MYO7B: variants seen among roughly 807,000 people sequenced by gnomAD.
MYO7B encodes the protein myosin VIIB.
In MYO7B, 212 loss-of-function variants were observed where a neutral mutation model predicts 259.7. The ratio of observed to expected loss-of-function variants is 0.82; its 90% CI spans 0.73 to 0.91. The LOEUF is 0.91. Among genes scored for constraint, MYO7B ranks in the 40% least tolerant of loss-of-function variants. MYO7B has a pLI of 0.00. For missense variants in MYO7B, 2,732 were observed against 2,813.5 expected, an observed-to-expected ratio of 0.97 and a Z score of 0.66; for synonymous variants, 1,197 against 1,166.4, an observed-to-expected ratio of 1.03 and a Z score of -0.54.
intron 25 of MYO7B, 51 bp downstream of exon 25, chr2:127,612,378 A>G (rs1680419254): frequency 2.0e-6 from 3 of 1,511,424 alleles, no homozygotes; most frequent in East Asian, 4.9e-5. Context: ...GGCCTGCTAC[A>G]GGGTTCCAGT....
At chr2:127,624,392 C>A in intron 30 of MYO7B, 72 bp downstream of exon 30, 1 of 1,414,296 alleles carries the variant, frequency 7.1e-7, no homozygotes, top group South Asian at 1.3e-5. Flanking sequence ...AGGCACCCAA[C>A]TGGCTTCTGA....
intron 2 of MYO7B, among the ~76,000 whole-genome samples, chr2:127,560,626 G>A (rs992475339): frequency 1.3e-5 from 2 of 152,186 alleles, no homozygotes; most frequent in Non-Finnish European, 2.9e-5. Flanking sequence ...GGAGTGCAGG[G>A]TGGAGAGCTC....
rs1679534604 is a variant in MYO7B at position 127,590,948 on chromosome 2, C to T, written c.1992+719C>T. On this transcript the variant is annotated intron_variant, in intron 16 of 47. Coordinates refer to ENST00000409816, the MANE Select transcript of MYO7B (RefSeq NM_001393586.1). The surrounding 1 kb of genome is among the most constrained non-coding windows in gnomAD (Gnocchi z 4.6). ...GTAGCTCACGCTTGTAATCCCAGCA[C>T]TTTGGGAGGCTGAGGCGGGAGGATT... Among the ~76,000 whole-genome samples the T allele has an allele frequency of 6.6e-6, 1 of 152,214 alleles. No individual in the cohort carries two copies. The highest frequency in any genetic ancestry group is 2.1e-4 in the South Asian group (1 of 4,836).
At chr2:127,578,495 A>G (rs188779375) in intron 9 of MYO7B, among the ~76,000 whole-genome samples, 3 of 152,238 alleles carry the variant, frequency 2.0e-5, no homozygotes, top group Admixed American at 1.3e-4. Flanking sequence ...ACAGGTGGAG[A>G]CCGGCCAATC....
At chr2:127,560,402 A>G (rs1343573366) in intron 2 of MYO7B, among the ~76,000 whole-genome samples, 1 of 152,018 alleles carries the variant, frequency 6.6e-6, no homozygotes, top group Non-Finnish European at 1.5e-5. Context: ...AACTGTGGGC[A>G]TGGGTAGGAC....
chr2:127,636,941 A>G lies in MYO7B; in HGVS notation c.6327+28A>G. The G allele has an allele frequency of 1.9e-6, 3 of 1,607,192 alleles. No individual in the cohort carries two copies. Among genetic ancestry groups the G allele is most frequent in the Non-Finnish European group, 2.5e-6 (3 of 1,179,756 alleles). ...GAGCTCAGGTTCTTTCTCCCATCCA[A>G]GATGCATAGGACAGAGCTGCTGGAG... On this transcript the variant is annotated intron_variant, in intron 47 of 47. Coordinates refer to ENST00000409816, the MANE Select transcript of MYO7B (RefSeq NM_001393586.1). This position sits in a 1 kb window ranked among gnomAD's most constrained non-coding sequence, Gnocchi z 4.5.
Position 127,611,298 on chromosome 2 carries a change from C to G in MYO7B, c.3193-952C>G, listed in dbSNP as rs999081815. 6.6e-6 allele frequency among the ~76,000 whole-genome samples: 1 copy of G among 152,222 alleles called. No homozygotes were observed. The highest frequency in any genetic ancestry group is 1.5e-5 in the Non-Finnish European group (1 of 68,044). On this transcript the variant is annotated intron_variant, in intron 24 of 47. Transcript: ENST00000409816. The surrounding 1 kb of genome is among the most constrained non-coding windows in gnomAD (Gnocchi z 5.4). ...TACCTGTGGCTGTGGGAGGGGCCCA[C>G]ACAGGGCAGGAATTTCAGGACGCAG...
intron 1 of MYO7B, among the ~76,000 whole-genome samples, chr2:127,541,093 T>G (rs942530418): frequency 2.0e-5 from 3 of 151,950 alleles, no homozygotes; most frequent in Non-Finnish European, 2.9e-5. Flanking sequence ...AGGCAGCATC[T>G]GCTGGGCTGT....
chr2:127,560,004 G>A (rs1410570165), intron 2 of MYO7B, among the ~76,000 whole-genome samples: 3 of 150,436 alleles, frequency 2.0e-5, no homozygotes, highest in Non-Finnish European at 2.9e-5. Flanking sequence ...CTTGATAAAG[G>A]GATTTCTTTT....
In MYO7B at chr2:127,636,649, G is replaced by C; in HGVS notation, c.6207+21G>C. The C allele has an allele frequency of 6.2e-7, 1 of 1,609,258 alleles. No homozygotes were observed. Among genetic ancestry groups the C allele is most frequent in the South Asian group, 1.1e-5 (1 of 90,502 alleles). On this transcript the variant is annotated intron_variant, in intron 46 of 47. Transcript: ENST00000409816. The surrounding 1 kb of genome is among the most constrained non-coding windows in gnomAD (Gnocchi z 4.5). ...CCAAGGTAGCTGCTGGGCCTCCGGA[G>C]GGGCTGGGGGCCACCAGGTCCAGGG...
Position 127,625,368 on chromosome 2 carries a change from G to A in MYO7B, c.4048G>A (p.Glu1350Lys), listed in dbSNP as rs747806328. 7.6e-6 allele frequency: 12 copies of A among 1,569,734 alleles called. No individual in the cohort carries two copies. Among genetic ancestry groups the A allele is most frequent in the African/African-American group, 1.4e-5 (1 of 73,770 alleles). Residue 1350 changes from glutamate (E) to lysine (K), a missense_variant and splice_region_variant, in exon 31 of 48, where the codon GAG (glutamate) becomes AAG (lysine). Physicochemically the swap from Glu to Lys is moderately conservative, Grantham distance 56 (BLOSUM62 1). Coordinates refer to ENST00000409816, the MANE Select transcript of MYO7B (RefSeq NM_001393586.1). ...VWSGEYSFEK[E>K]EELVELLARH... Reference sequence around the variant, plus strand: ...CCCGTGGGTGCCCTGGGCTGTGCAGGAGGAAGAGCTGGTTGAGCTGCTGGC... The same window carrying A: ...CCCGTGGGTGCCCTGGGCTGTGCAGAAGGAAGAGCTGGTTGAGCTGCTGGC...
intron 22 of MYO7B, 41 bp downstream of exon 22, chr2:127,608,919 A>G (rs1367447957): frequency 6.3e-7 from 1 of 1,584,110 alleles, no homozygotes; most frequent in Non-Finnish European, 8.6e-7. Context: ...CCGGGTGGGG[A>G]CAGGGAAGCC....
rs1359096849 is a variant in MYO7B, at chr2:127,635,120, G to A, written c.5714G>A (p.Gly1905Glu). Reference sequence around the variant, plus strand: ...GTGCCCACTGCTGGCCCTCGCCCAGGGGCCCCCGTGACGCTCCCCTACCAG... The same window carrying A: ...GTGCCCACTGCTGGCCCTCGCCCAGAGGCCCCCGTGACGCTCCCCTACCAG... ...WVKKNKPQKEGAPVTLPYQVY... is the reference protein window; with the variant it reads ...WVKKNKPQKEEAPVTLPYQVY... Residue 1905 changes from glycine (G) to glutamate (E), a missense_variant and splice_region_variant, in exon 43 of 48, where the codon GGG (glycine) becomes GAG (glutamate). This residue lies in a region of MYO7B where 821 missense variants were observed against 769.3 expected (regional missense o/e 1.07). Transcript: ENST00000409816. The A allele has an allele frequency of 3.1e-6, 5 of 1,611,414 alleles. No individual in the cohort carries two copies. The highest frequency in any genetic ancestry group is 4.2e-6 in the Non-Finnish European group (5 of 1,179,032).
intron 1 of MYO7B, among the ~76,000 whole-genome samples, chr2:127,556,214 T>G (rs1347630249): frequency 6.6e-6 from 1 of 152,236 alleles, no homozygotes; most frequent in African/African-American, 2.4e-5. Context: ...TAAGAATAAC[T>G]ACTCCTACTC....
intron 6 of MYO7B, 27 bp from the exon 7 acceptor site, chr2:127,573,886 GCTCCCAT>G: frequency 6.2e-7 from 1 of 1,613,116 alleles, no homozygotes; most frequent in Non-Finnish European, 8.5e-7. Context: ...TCTCCTCTCT[GCTCCCAT>G]CATGGGCATC....
chr2:127,574,677 G>T (rs971090601), intron 7 of MYO7B, among the ~76,000 whole-genome samples: 9 of 152,204 alleles, frequency 5.9e-5, no homozygotes, highest in Non-Finnish European at 1.0e-4. Context: ...GGTATGTTAG[G>T]GGACATGGCA....
intron 42 of MYO7B, 25 bp from the exon 43 acceptor site, chr2:127,635,095 G>A (rs762016581): frequency 4.4e-6 from 7 of 1,585,574 alleles, no homozygotes; most frequent in Middle Eastern, 1.7e-4. Flanking sequence ...GACAGGCTTG[G>A]TGCCCACTGC....
At chr2:127,578,057 C>A (rs1342638882) in intron 8 of MYO7B, 76 bp from the exon 9 acceptor site, 1 of 1,571,556 alleles carries the variant, frequency 6.4e-7, no homozygotes, top group East Asian at 2.3e-5. Context: ...AGTGCAGTGT[C>A]TCAGCCTTGC....
intron 37 of MYO7B, 49 bp downstream of exon 37, chr2:127,631,412 G>A (rs1200557632): frequency 1.3e-5 from 20 of 1,578,210 alleles, no homozygotes; most frequent in Non-Finnish European, 1.7e-5. Context: ...CCAGGGCAGA[G>A]GCACCCAGCA....
Sources: allele counts gnomAD v4.1 joint callset (sites outside exome capture counted in the v4.1 genomes callset), GRCh38; gene constraint gnomAD v4.1.1; regional missense constraint gnomAD v4.1.1; non-coding constraint Gnocchi (gnomAD v3.1); transcripts MANE v1.5; gene names NCBI Gene and HGNC (gene_info 2026-07-23, HGNC 2026-07-21).